Variants in NOD2 observed in about 807,000 individuals in gnomAD.
NOD2 encodes nucleotide binding oligomerization domain containing 2, also known as nucleotide-binding oligomerization domain-containing protein 2.
In NOD2, 86 loss-of-function variants were observed where a neutral mutation model predicts 90.9. That is an observed-to-expected ratio of 0.95 (90% CI 0.79 to 1.13). The LOEUF is 1.13. NOD2 is among the 50% of genes most tolerant of loss of function. The probability of loss-of-function intolerance (pLI) is 0.00; values close to 1 mark genes in which losing one functional copy is unlikely to be tolerated. For synonymous variants in NOD2, 581 were observed against 554.6 expected (o/e 1.05, Z -0.67); for missense variants, 1,238 against 1,283.8 (o/e 0.96, Z 0.55).
In NOD2 at chr16:50,732,022, C is replaced by T; in HGVS notation, c.*203C>T. 1 of 600,050 alleles carries T rather than the reference C, an allele frequency of 1.7e-6. No individual in the cohort carries two copies. The highest frequency in any genetic ancestry group is 3.0e-6 in the Non-Finnish European group (1 of 331,230). 37.2% of individuals were successfully genotyped at this position (600,050 alleles called of 1,614,324 possible). On this transcript the variant is annotated 3_prime_UTR_variant, in exon 12 of 12. Coordinates refer to ENST00000647318, the MANE Select transcript of NOD2 (RefSeq NM_001370466.1). ...AGTGCCCTCCAGGATAGACTTTTCCCAAGCCTACTTTTGCCATTGACTTCT... is the reference window on the plus strand; with the variant it reads ...AGTGCCCTCCAGGATAGACTTTTCCTAAGCCTACTTTTGCCATTGACTTCT...
intron 8 of NOD2, 81 bp from the exon 9 acceptor site, chr16:50,723,220 C>A: frequency 8.6e-7 from 1 of 1,164,552 alleles, no homozygotes; most frequent in Non-Finnish European, 1.3e-6. Flanking sequence ...GAGAGCACCA[C>A]GAATTTTGCC....
At chr16:50,717,126 A>T in intron 6 of NOD2, 152 bp downstream of exon 6, 1 of 738,492 alleles carries the variant, frequency 1.4e-6, no homozygotes, top group African/African-American at 1.7e-5. Context: ...GGGGTTCTCT[A>T]ATGCTGTGAT....
rs759074613 is a variant in NOD2 at position 50,712,133 on chromosome 16, G to A, written c.2141G>A (p.Trp714Ter). Residue 714 changes from tryptophan to a stop codon, truncating the protein, a stop_gained, in exon 4 of 12, where the codon TGG (tryptophan) becomes TAG (stop). Coordinates refer to ENST00000647318, the MANE Select transcript of NOD2 (RefSeq NM_001370466.1). LOFTEE classifies it high-confidence loss of function. ...GTGCATGCCATGCCCGGGTTCATCT[G>A]GCTCATCCGGAGCCTGTACGAGATG... ...KSVHAMPGFI[W>*]LIRSLYEMQE... 1.2e-6 allele frequency: 2 copies of A among 1,614,088 alleles called. No individual in the cohort carries two copies. Among genetic ancestry groups the A allele is most frequent in the Admixed American group, 1.7e-5 (1 of 60,034 alleles).
intron 8 of NOD2, 116 bp downstream of exon 8, chr16:50,722,821 G>T: frequency 1.0e-6 from 1 of 957,462 alleles, no homozygotes; most frequent in Non-Finnish European, 1.7e-6. Context: ...GTTAGGCAAT[G>T]GAGTAAGGAA....
chr16:50,709,066 A>G (rs375569220), intron 3 of NOD2, among the ~76,000 whole-genome samples: 3 of 151,750 alleles, frequency 2.0e-5, no homozygotes, highest in African/African-American at 7.3e-5. Flanking sequence ...TTTTCTGGAG[A>G]ATTTTAGTAT....
chr16:50,694,969 T>C (rs145719554), intron 1 of NOD2, among the ~76,000 whole-genome samples: 1 of 152,110 alleles, frequency 6.6e-6, no homozygotes, highest in East Asian at 1.9e-4. Context: ...AGGGAAGGCT[T>C]CCCCAAGACC....
At chr16:50,715,942 G>T (rs1951757893) in intron 4 of NOD2, among the ~76,000 whole-genome samples, 1 of 152,200 alleles carries the variant, frequency 6.6e-6, no homozygotes, top group Non-Finnish European at 1.5e-5. Flanking sequence ...ATGGGCCTGA[G>T]AATCTGTCTT....
In NOD2 at chr16:50,707,930, T is replaced by C. The variant is rs755641532; in HGVS notation, c.535T>C (p.Leu179=). The change falls in exon 3 of 12, where the codon TTA becomes CTA. Residue 179 remains leucine (L), a synonymous_variant. Coordinates refer to ENST00000647318, the MANE Select transcript of NOD2 (RefSeq NM_001370466.1). ...AAFLLQHVQE[L]PVPLALPLEA... ...CTTCCTTCTACAACATGTTCAGGAA[T>C]TACCAGTCCCATTGGCCCTGCCTTT... is the stretch of plus-strand genomic sequence containing the variant. 3 of 1,613,942 alleles carry C rather than the reference T, an allele frequency of 1.9e-6. No homozygotes were observed. The South Asian group carries it at 3.3e-5, about 18-fold the overall frequency.
rs1463282482 is a variant in NOD2, at chr16:50,711,149, G to A, written c.1157G>A (p.Gly386Asp). Residue 386 changes from glycine (G) to aspartate (D), a missense_variant, in exon 4 of 12, where the codon GGC becomes GAC. Gly to Asp is a moderately conservative substitution (Grantham distance 94). Coordinates refer to ENST00000647318, the MANE Select transcript of NOD2 (RefSeq NM_001370466.1). ...VQTLLFNLLQGNLLKNARKVV... is the reference protein window; with the variant it reads ...VQTLLFNLLQDNLLKNARKVV... The stretch of plus-strand genomic sequence containing the variant: ...ACCCTGCTCTTCAACCTTCTGCAGG[G>A]CAACCTGCTGAAGAATGCCCGCAAG... The A allele has an allele frequency of 6.2e-7, 1 of 1,614,110 alleles. No homozygotes were observed. Among genetic ancestry groups the A allele is most frequent in the Non-Finnish European group, 8.5e-7 (1 of 1,180,038 alleles).
At chr16:50,723,139 G>GAAAAAAAA (rs59171756) in intron 8 of NOD2, among the ~76,000 whole-genome samples, 162 bp from the exon 9 acceptor site, 2 of 107,840 alleles carry the variant, frequency 1.9e-5, no homozygotes, top group Non-Finnish European at 3.8e-5. Context: ...AAAAAGGGTA[G>GAAAAAAAA]AAAAAAAAAA....
intron 2 of NOD2, among the ~76,000 whole-genome samples, chr16:50,704,096 G>A (rs190057349): frequency 6.6e-6 from 1 of 152,350 alleles, no homozygotes; most frequent in Admixed American, 6.5e-5. Context: ...TCATGGTGAA[G>A]ACAAGTCAAA....
intron 2 of NOD2, among the ~76,000 whole-genome samples, chr16:50,706,285 G>A (rs145786503): frequency 8.5e-5 from 13 of 152,306 alleles, no homozygotes; most frequent in Admixed American, 3.3e-4. Context: ...AGGTATTTTT[G>A]TCTGTTTTGG....
rs749142500 is a variant in NOD2 at position 50,711,174 on chromosome 16, G to A, written c.1182G>A (p.Lys394=). 6.8e-6 allele frequency: 11 copies of A among 1,614,038 alleles called. 1 individual carries two copies. The African/African-American group carries it at 8.0e-5, about 12-fold the overall frequency. ...LQGNLLKNAR[K]VVTSRPAAVS... ...GCAACCTGCTGAAGAATGCCCGCAA[G>A]GTGGTGACCAGCCGTCCGGCCGCTG... is the stretch of plus-strand genomic sequence containing the variant. The change falls in exon 4 of 12, where the codon AAG becomes AAA. Residue 394 remains lysine (K), a synonymous_variant. Coordinates refer to ENST00000647318, the MANE Select transcript of NOD2 (RefSeq NM_001370466.1).
Position 50,699,716 on chromosome 16 carries a change from A to G in NOD2, c.221A>G (p.Gln74Arg). 6.2e-7 allele frequency: 1 copy of G among 1,614,182 alleles called. No homozygotes were observed. Among genetic ancestry groups the G allele is most frequent in the African/African-American group, 1.3e-5 (1 of 75,050 alleles). ...TGGAATAAGGGTACTTGGGCCTGTC[A>G]GAAGCTCATCGCGGCTGCCCAAGAA... ...TVWNKGTWACQKLIAAAQEAQ... is the reference protein window; with the variant it reads ...TVWNKGTWACRKLIAAAQEAQ... The change falls in exon 2 of 12, where the codon CAG becomes CGG. Residue 74 changes from glutamine (Q) to arginine (R), a missense_variant. Physicochemically the swap from Gln to Arg is conservative, Grantham distance 43. Coordinates refer to ENST00000647318, the MANE Select transcript of NOD2 (RefSeq NM_001370466.1).
intron 10 of NOD2, among the ~76,000 whole-genome samples, chr16:50,726,370 CA>C (rs1441976708): frequency 6.6e-6 from 1 of 152,254 alleles, no homozygotes; most frequent in Non-Finnish European, 1.5e-5. Context: ...GACAGACAGA[CA>C]GACAGCTGCC....
At chr16:50,703,172 T>C (rs561088400) in intron 2 of NOD2, among the ~76,000 whole-genome samples, 1 of 152,390 alleles carries the variant, frequency 6.6e-6, no homozygotes, top group East Asian at 1.9e-4. Context: ...TGCCAGTACC[T>C]GGGGCCTTCT....
chr16:50,731,783 C>T lies in NOD2; in HGVS notation c.3006C>T (p.Asp1002=), dbSNP rs1274359480. 6.2e-7 allele frequency: 1 copy of T among 1,613,892 alleles called. No homozygotes were observed. The highest frequency in any genetic ancestry group is 1.1e-5 in the South Asian group (1 of 91,082). ...RGNTFSLEEV[D]KLGCRDTRLL... Reference sequence around the variant, plus strand: ...ACACTTTCTCTCTAGAGGAGGTTGACAAGCTCGGCTGCAGGGACACCAGAC... The same window carrying T: ...ACACTTTCTCTCTAGAGGAGGTTGATAAGCTCGGCTGCAGGGACACCAGAC... Residue 1002 remains aspartate (D), a synonymous_variant, in exon 12 of 12, where the codon GAC becomes GAT. Coordinates refer to ENST00000647318, the MANE Select transcript of NOD2 (RefSeq NM_001370466.1).
rs758548184 is a variant in NOD2 at position 50,699,557 on chromosome 16, G to C, written c.62G>C (p.Gly21Ala). The change falls in exon 2 of 12, where the codon GGG (glycine) becomes GCG (alanine). Residue 21 changes from glycine (G) to alanine (A), a missense_variant. Coordinates refer to ENST00000647318, the MANE Select transcript of NOD2 (RefSeq NM_001370466.1). ...RSQLVELLVS[G>A]SLEGFESVLD... ...CAGCTGGTCGAGCTGCTGGTCTCAG[G>C]GTCCCTGGAAGGCTTCGAGAGTGTC... 2.5e-6 allele frequency: 4 copies of C among 1,614,026 alleles called. No individual in the cohort carries two copies. Among genetic ancestry groups the C allele is most frequent in the Admixed American group, 1.7e-5 (1 of 60,028 alleles).
rs5743296 is a variant in NOD2, at chr16:50,731,839, G to A, written c.*20G>A. 5.9e-5 allele frequency: 95 copies of A among 1,600,056 alleles called. No homozygotes were observed. Among genetic ancestry groups the A allele is most frequent in the East Asian group, 1.8e-4 (8 of 44,796 alleles). On this transcript the variant is annotated 3_prime_UTR_variant, in exon 12 of 12. Transcript: ENST00000647318. ...CTTTGAAGTCTCCGGGAGGATGTTC[G>A]TCTCAGTTTGTTTGTGAGCAGGCTG...
Sources: gnomAD v4.1 joint callset for allele counts (sites outside exome capture counted in the v4.1 genomes callset) on GRCh38, gnomAD v4.1.1 for gene constraint, MANE v1.5 for transcripts, NCBI Gene and HGNC (gene_info 2026-07-23, HGNC 2026-07-21) for gene names.